The following PPTC7 variants were observed in gnomAD, a reference collection of about 807,000 sequenced individuals.
The protein encoded by PPTC7 is protein phosphatase PTC7 homolog.
Under a neutral mutation model 30.8 loss-of-function variants are expected in PPTC7, and 6 were observed. The observed-to-expected ratio is 0.19, with a 90% CI of 0.11 to 0.38. The LOEUF is 0.38. PPTC7 is among the 10% of genes least tolerant of loss of function. PPTC7 has a pLI of 1.00. For missense variants in PPTC7, 218 were observed against 404.8 expected (o/e 0.54, Z 3.96); for synonymous variants, 163 against 168.1 (o/e 0.97, Z 0.23).
chr12:110,570,683 A>G (rs2064527289), intron 1 of PPTC7, among the ~76,000 whole-genome samples: 1 of 124,148 alleles, frequency 8.1e-6, no homozygotes, highest in Non-Finnish European at 1.7e-5. Flanking sequence ...GTTTATGTGT[A>G]TGCATATCTA....
intron 1 of PPTC7, among the ~76,000 whole-genome samples, chr12:110,567,869 C>T (rs2064497990): frequency 6.6e-6 from 1 of 152,170 alleles, no homozygotes. Context: ...AGCTTGGAGA[C>T]AAGGGTGATG....
At chr12:110,541,700 CAAAAAAA>C (rs748911395) in intron 3 of PPTC7, among the ~76,000 whole-genome samples, 6 of 66,480 alleles carry the variant, frequency 9.0e-5, no homozygotes, top group South Asian at 5.1e-4. Flanking sequence ...AACTCCGTCT[CAAAAAAA>C]AAAAAAAAAA....
Position 110,535,753 on chromosome 12 carries a change from C to T in PPTC7, c.*1284G>A, listed in dbSNP as rs2064213723. The T allele has an allele frequency of 6.6e-6, 1 of 152,540 alleles. No homozygotes were observed. The highest frequency in any genetic ancestry group is 6.6e-5 in the Admixed American group (1 of 15,260). The allele number at this position is 152,540 out of a possible 1,614,324, so 9.4% of individuals were successfully genotyped here. On this transcript the variant is annotated 3_prime_UTR_variant, in exon 6 of 6. Coordinates refer to ENST00000354300, the MANE Select transcript of PPTC7 (RefSeq NM_139283.2). ...AAAAAACTGACCCAAAAATATATAT[C>T]TTTACAGCAGTCAACTTGTACACAA...
intron 1 of PPTC7, among the ~76,000 whole-genome samples, chr12:110,552,359 C>G (rs2064355129): frequency 6.6e-6 from 1 of 152,218 alleles, no homozygotes; most frequent in Admixed American, 6.5e-5. Context: ...TCAGTCAGAG[C>G]TGGAGATCAC....
intron 3 of PPTC7, among the ~76,000 whole-genome samples, chr12:110,540,353 GCT>G (rs928565823): frequency 8.7e-6 from 1 of 114,392 alleles, no homozygotes; most frequent in African/African-American, 3.4e-5. Context: ...GACAAGTCTC[GCT>G]CTGTTGTCGA....
Position 110,534,785 on chromosome 12 carries a change from G to C in PPTC7, c.*2252C>G, listed in dbSNP as rs2064206791. 1 of 152,322 alleles carries C rather than the reference G, an allele frequency of 6.6e-6. No individual in the cohort carries two copies. The highest frequency in any genetic ancestry group is 1.5e-5 in the Non-Finnish European group (1 of 68,020). 9.4% of individuals were successfully genotyped at this position (152,322 alleles called of 1,614,324 possible). Reference sequence around the variant, plus strand: ...ATTTCTAACAATCGTTTCTCAAAAAGGTAAGCTGAGTAAATAAGTTGTATA... The same window carrying C: ...ATTTCTAACAATCGTTTCTCAAAAACGTAAGCTGAGTAAATAAGTTGTATA... On this transcript the variant is annotated 3_prime_UTR_variant, in exon 6 of 6. Coordinates refer to ENST00000354300, the MANE Select transcript of PPTC7 (RefSeq NM_139283.2).
At chr12:110,543,860 C>T (rs1325071177) in intron 3 of PPTC7, among the ~76,000 whole-genome samples, 3 of 152,166 alleles carry the variant, frequency 2.0e-5, no homozygotes, top group Admixed American at 6.5e-5. Context: ...GCTGGCATGC[C>T]GGCAGAGTAC....
At chr12:110,546,262 G>A (rs539471024) in intron 2 of PPTC7, 184 bp from the exon 3 acceptor site, 24 of 589,910 alleles carry the variant, frequency 4.1e-5, no homozygotes, top group South Asian at 2.0e-4. Context: ...GGGTTAACAC[G>A]GTGGGGAAAG....
chr12:110,539,514 C>T (rs1474270767), intron 4 of PPTC7, among the ~76,000 whole-genome samples: 7 of 152,168 alleles, frequency 4.6e-5, no homozygotes, highest in Non-Finnish European at 1.0e-4. Flanking sequence ...TCAACACCTG[C>T]TGGGTGTTAG....
At chr12:110,538,708 G>A (rs750894549) in intron 4 of PPTC7, among the ~76,000 whole-genome samples, 2 of 152,142 alleles carry the variant, frequency 1.3e-5, no homozygotes, top group Non-Finnish European at 2.9e-5. Flanking sequence ...CTGTCGAGCT[G>A]TGAAATCTTG....
intron 1 of PPTC7, among the ~76,000 whole-genome samples, chr12:110,558,573 G>C (rs2064408739): frequency 6.6e-6 from 1 of 152,204 alleles, no homozygotes. Context: ...AGAAATAGCT[G>C]AGCAAAAGAT....
At chr12:110,579,352 A>G (rs1208033264) in intron 1 of PPTC7, among the ~76,000 whole-genome samples, 1 of 152,074 alleles carries the variant, frequency 6.6e-6, no homozygotes, top group Non-Finnish European at 1.5e-5. Flanking sequence ...ATCCCCCACC[A>G]TTTGCATATG....
chr12:110,548,756 G>A (rs1341158642), intron 2 of PPTC7, among the ~76,000 whole-genome samples: 3 of 152,106 alleles, frequency 2.0e-5, no homozygotes, highest in African/African-American at 7.2e-5. Context: ...ACAGTAACTC[G>A]CTGAGTTGGA....
At chr12:110,542,950 C>T (rs1335927624) in intron 3 of PPTC7, among the ~76,000 whole-genome samples, 1 of 152,132 alleles carries the variant, frequency 6.6e-6, no homozygotes, top group East Asian at 1.9e-4. Context: ...TTCTTGGCGA[C>T]TTCTTAAGGC....
At chr12:110,566,861 T>TA (rs2064488290) in intron 1 of PPTC7, among the ~76,000 whole-genome samples, 1 of 152,188 alleles carries the variant, frequency 6.6e-6, no homozygotes, top group African/African-American at 2.4e-5. Context: ...CTAATAAACA[T>TA]ATATTTGTCT....
intron 1 of PPTC7, among the ~76,000 whole-genome samples, chr12:110,564,635 T>C (rs1357170590): frequency 6.6e-6 from 1 of 152,176 alleles, no homozygotes; most frequent in Non-Finnish European, 1.5e-5. Context: ...GAGAGGTCTA[T>C]AGTCACATGC....
At chr12:110,558,007 T>G (rs1448225421) in intron 1 of PPTC7, among the ~76,000 whole-genome samples, 1 of 152,150 alleles carries the variant, frequency 6.6e-6, no homozygotes, top group Admixed American at 6.5e-5. Flanking sequence ...AAGATGAAAT[T>G]TGAGTGGGGA....
chr12:110,558,111 A>C (rs1026033424), intron 1 of PPTC7, among the ~76,000 whole-genome samples: 1 of 152,226 alleles, frequency 6.6e-6, no homozygotes, highest in South Asian at 2.1e-4. Flanking sequence ...TGATTAGATT[A>C]TTCTACAGTT....
At position 110,536,973 on chromosome 12, in the gene PPTC7, G is replaced by A; in HGVS notation, c.*64C>T. On this transcript the variant is annotated 3_prime_UTR_variant, in exon 6 of 6. Coordinates refer to ENST00000354300, the MANE Select transcript of PPTC7 (RefSeq NM_139283.2). ...CAAAGAAATGTGGTCCTGCCAGCAG[G>A]ATCAGCACACATGGCAGGGGAAATT... 8.0e-7 allele frequency: 1 copy of A among 1,244,470 alleles called. No homozygotes were observed. Among genetic ancestry groups the A allele is most frequent in the African/African-American group, 1.5e-5 (1 of 68,044 alleles). 77.1% of individuals were successfully genotyped at this position (1,244,470 alleles called of 1,614,324 possible).
Sources: gnomAD v4.1 joint callset for allele counts (sites outside exome capture counted in the v4.1 genomes callset) on GRCh38, gnomAD v4.1.1 for gene constraint, MANE v1.5 for transcripts, NCBI Gene and HGNC (gene_info 2026-07-23, HGNC 2026-07-21) for gene names.